Variants in NBPF19 observed in about 807,000 individuals in gnomAD.
NBPF19 encodes NBPF family member NBPF19.
A neutral mutation model predicts 45.9 loss-of-function variants in NBPF19; 30 were observed. That is an observed-to-expected ratio of 0.65 (90% CI 0.49 to 0.89). NBPF19 has a LOEUF of 0.89. Ranked by LOEUF, NBPF19 falls within the 40% of genes least tolerant of loss-of-function variation. The pLI, the probability that NBPF19 is intolerant of heterozygous loss-of-function variation, is 0.00. For synonymous variants in NBPF19, 183 were observed against 181.2 expected, an observed-to-expected ratio of 1.01 and a Z score of -0.08; for missense variants, 495 against 471.8, an observed-to-expected ratio of 1.05 and a Z score of -0.46.
rs1431133975 is a variant in NBPF19, at chr1:149,494,379, T to A, written c.2059T>A (p.Cys687Ser). ...PEVLQDSLDRCYSIPSGYLEL... is the reference protein window; with the variant it reads ...PEVLQDSLDRSYSIPSGYLEL... The stretch of plus-strand genomic sequence containing the variant: ...AGTCTTGCAGGACTCACTGGATAGA[T>A]GTTATTCGATTCCTTCAGGTTATCT... Residue 687 changes from cysteine to serine, a missense_variant, in exon 18 of 94, where the codon TGT becomes AGT. By Grantham distance (112) the Cys-to-Ser change is moderately radical (BLOSUM62 -1). Transcript: ENST00000651566. 7 of 318,276 alleles carry A rather than the reference T, an allele frequency of 2.2e-5. No individual in the cohort carries two copies. Among genetic ancestry groups the A allele is most frequent in the Admixed American group, 1.3e-4 (2 of 15,052 alleles). The allele number at this position is 318,276 out of a possible 1,614,324, so 19.7% of individuals were successfully genotyped here. A position where few individuals can be genotyped will look rare whatever the true frequency, so the allele number is the denominator to read the frequency against.
intron 7 of NBPF19, among the ~76,000 whole-genome samples, chr1:149,485,074 G>A (rs1297896450): frequency 1.4e-5 from 2 of 144,974 alleles, no homozygotes; most frequent in African/African-American, 2.5e-5. Flanking sequence ...CATGCATCAC[G>A]TAGTTCTCGT....
At chr1:149,554,285 G>C (rs1196849599) in intron 93 of NBPF19, among the ~76,000 whole-genome samples, 12 of 142,194 alleles carry the variant, frequency 8.4e-5, no homozygotes, top group South Asian at 4.4e-4. Flanking sequence ...CTCTGTCTCT[G>C]TCTCTCTCTC....
chr1:149,478,109 G>A (rs1233558448), intron 3 of NBPF19, 62 bp downstream of exon 3: 14 of 1,165,514 alleles, frequency 1.2e-5, no homozygotes, highest in Non-Finnish European at 1.6e-5. Context: ...AAGTACAGCA[G>A]CTCGGCGGGG....
intron 51 of NBPF19, among the ~76,000 whole-genome samples, chr1:149,521,033 C>T (rs2086700614): frequency 1.7e-5 from 1 of 59,824 alleles, no homozygotes; most frequent in Non-Finnish European, 3.7e-5. Context: ...ACTCCCTTAC[C>T]AGTATGTCAC....
Position 149,491,193 on chromosome 1 carries a change from G to A in NBPF19, c.1545G>A (p.Leu515=). ...VVEPEVLQDS[L]DRCYSTPSSC... is the part of the protein sequence containing the mutation. ...AGCCTGAAGTCTTGCAGGACTCACTGGATAGATGTTATTCAACTCCTTCCA... is the reference window on the plus strand; with the variant it reads ...AGCCTGAAGTCTTGCAGGACTCACTAGATAGATGTTATTCAACTCCTTCCA... Residue 515 remains leucine (L), a synonymous_variant, in exon 14 of 94, where the codon CTG becomes CTA. Transcript: ENST00000651566. 5 of 290,278 alleles carry A rather than the reference G, an allele frequency of 1.7e-5. No homozygotes were observed. The highest frequency in any genetic ancestry group is 1.4e-4 in the Admixed American group (2 of 13,840). 18.0% of individuals were successfully genotyped at this position (290,278 alleles called of 1,614,324 possible). A position where few individuals can be genotyped will look rare whatever the true frequency, so the allele number is the denominator to read the frequency against.
At position 149,486,157 on chromosome 1, in the gene NBPF19, A is replaced by C; in HGVS notation, c.852A>C (p.Glu284Asp). The C allele has an allele frequency of 2.3e-6, 1 of 438,146 alleles. No homozygotes were observed. Among genetic ancestry groups the C allele is most frequent in the Non-Finnish European group, 3.9e-6 (1 of 258,274 alleles). 27.1% of individuals were successfully genotyped at this position (438,146 alleles called of 1,614,324 possible). The part of the protein sequence containing the change: ...PRNLQESEEE[E>D]VPQESWDEGY... ...ATCTGCAGGAGTCTGAAGAGGAGGAAGTCCCCCAGGAGTCCTGGGATGAAG... is the reference window on the plus strand; with the variant it reads ...ATCTGCAGGAGTCTGAAGAGGAGGACGTCCCCCAGGAGTCCTGGGATGAAG... The change falls in exon 8 of 94, where the codon GAA (glutamate) becomes GAC (aspartate). Residue 284 changes from glutamate to aspartate, a missense_variant. Transcript: ENST00000651566.
intron 9 of NBPF19, among the ~76,000 whole-genome samples, chr1:149,487,805 G>C (rs1419492774): frequency 6.7e-6 from 1 of 148,254 alleles, no homozygotes; most frequent in Non-Finnish European, 1.5e-5. Flanking sequence ...GTGTGTGTGT[G>C]TGTGTGTGTG....
chr1:149,479,800 C>G (rs1274229823), intron 4 of NBPF19, among the ~76,000 whole-genome samples: 1 of 150,792 alleles, frequency 6.6e-6, no homozygotes, highest in Non-Finnish European at 1.5e-5. Context: ...AAATGCAAAC[C>G]GTGACAGGAC....
At chr1:149,478,147 G>A (rs1195570233) in intron 3 of NBPF19, 100 bp downstream of exon 3, 18 of 791,974 alleles carry the variant, frequency 2.3e-5, no homozygotes, top group South Asian at 5.7e-5. Flanking sequence ...TGGGCCAGGG[G>A]AAGGGCAGAA....
At chr1:149,483,647 A>G (rs2085341031) in intron 7 of NBPF19, among the ~76,000 whole-genome samples, 1 of 147,520 alleles carries the variant, frequency 6.8e-6, no homozygotes, top group African/African-American at 2.5e-5. Context: ...ACAGTTTGGC[A>G]TGTTTTTGCA....
At chr1:149,554,353 A>C (rs1559627134) in intron 93 of NBPF19, 142 bp from the exon 94 acceptor site, 8 of 1,516,064 alleles carry the variant, frequency 5.3e-6, no homozygotes, top group Non-Finnish European at 7.2e-6. Flanking sequence ...ACATAAAGGC[A>C]ATAAATTTTT....
intron 9 of NBPF19, 89 bp downstream of exon 9, chr1:149,487,472 A>C: frequency 1.0e-6 from 1 of 981,840 alleles, no homozygotes; most frequent in Non-Finnish European, 1.6e-6. Context: ...GAAAATAATG[A>C]TTTTGTCTTG....
chr1:149,488,151 G>T lies in NBPF19; in HGVS notation c.1179G>T (p.Glu393Asp). 1 of 680,600 alleles carries T rather than the reference G, an allele frequency of 1.5e-6. No individual in the cohort carries two copies. Among genetic ancestry groups the T allele is most frequent in the East Asian group, 2.7e-5 (1 of 36,566 alleles). The allele number at this position is 680,600 out of a possible 1,614,324, so 42.2% of individuals were successfully genotyped here. ...ACAGAAGTGCCTTTTACGTATTGGA[G>T]CAACAGCGTGTTGGCTTGGCTATTG... ...QPYRSAFYVL[E>D]QQRVGLAIDM... The change falls in exon 10 of 94, where the codon GAG (glutamate) becomes GAT (aspartate). Residue 393 changes from glutamate (E) to aspartate (D), a missense_variant. Physicochemically the swap from Glu to Asp is conservative, Grantham distance 45. Around this residue, in one of 8 missense-constraint regions of NBPF19, gnomAD observed 146 missense variants for 67.3 expected, o/e 2.17. Transcript: ENST00000651566.
chr1:149,491,345 A>G, intron 14 of NBPF19, 34 bp downstream of exon 14: 2 of 179,198 alleles, frequency 1.1e-5, no homozygotes, highest in Non-Finnish European at 2.0e-5. Flanking sequence ...ATAAGCATCC[A>G]CTGAGTCTTC....
chr1:149,479,857 G>A (rs1484355208), intron 4 of NBPF19, among the ~76,000 whole-genome samples: 8 of 150,716 alleles, frequency 5.3e-5, no homozygotes, highest in Admixed American at 2.0e-4. Flanking sequence ...GGGGGAGACA[G>A]CTGCCAACGT....
chr1:149,485,647 T>A (rs1337399187), intron 7 of NBPF19, among the ~76,000 whole-genome samples: 109 of 45,732 alleles, frequency 2.4e-3, no homozygotes, highest in Non-Finnish European at 3.6e-3. Context: ...TTCCTATTTG[T>A]TGGTAGTATG....
chr1:149,490,788 A>G (rs1247168491), intron 13 of NBPF19, among the ~76,000 whole-genome samples: 2 of 72,702 alleles, frequency 2.8e-5, no homozygotes, highest in Non-Finnish European at 5.1e-5. Flanking sequence ...CAGTCTTTTC[A>G]TGATCACTGT....
intron 2 of NBPF19, among the ~76,000 whole-genome samples, chr1:149,477,252 T>C (rs2084895230): frequency 6.6e-6 from 1 of 151,056 alleles, no homozygotes; most frequent in Admixed American, 6.6e-5. Context: ...TCCTTGAACA[T>C]TAATTGGCAC....
rs1384086077 is a variant in NBPF19, at chr1:149,480,770, TCCAA to T, written c.662_665del (p.Asn221SerfsTer96). ...TTCAAATAGCCATGGCCCTTATGAC[TCCAA>T]CCAGCCACATAGGAAAACCAAAATC... On this transcript the variant is annotated frameshift_variant, in exon 6 of 94. Transcript: ENST00000651566. LOFTEE classifies it high-confidence loss of function. 4 of 1,542,916 alleles carry T rather than the reference TCCAA, an allele frequency of 2.6e-6. No homozygotes were observed. The African/African-American group carries it at 5.5e-5, about 21-fold the overall frequency.
Sources: gnomAD v4.1 joint callset for allele counts (sites outside exome capture counted in the v4.1 genomes callset) on GRCh38, gnomAD v4.1.1 for gene constraint, gnomAD v4.1.1 regional missense constraint, MANE v1.5 for transcripts, NCBI Gene and HGNC (gene_info 2026-07-23, HGNC 2026-07-21) for gene names.